Variants in STRAP observed in about 807,000 individuals in gnomAD.
The protein encoded by STRAP is serine-threonine kinase receptor-associated protein.
A neutral mutation model predicts 47.0 loss-of-function variants in STRAP; 16 were observed. The ratio of observed to expected loss-of-function variants is 0.34; its 90% CI spans 0.23 to 0.52. The LOEUF is 0.52. Among genes scored for constraint, STRAP ranks in the 20% least tolerant of loss-of-function variants. STRAP has a pLI of 0.96. For missense variants in STRAP, 293 were observed against 420.0 expected, an observed-to-expected ratio of 0.70 and a Z score of 2.64; for synonymous variants, 130 against 142.7, an observed-to-expected ratio of 0.91 and a Z score of 0.63.
chr12:15,888,282 G>A lies in STRAP; in HGVS notation c.249-1646G>A, dbSNP rs188858111. Among the ~76,000 whole-genome samples, 99 of 152,230 alleles carry A rather than the reference G, an allele frequency of 6.5e-4. No individual in the cohort carries two copies. In the South Asian group the frequency reaches 9.7e-3, roughly 15 times the overall value. ...AACATAGGAGCCTGGAAGAAAATAC[G>A]TAAGTTATTTGAGGAGTGGTTTATA... On this transcript the variant is annotated intron_variant, in intron 2 of 9. Transcript: ENST00000419869.
chr12:15,883,093 G>T, intron 1 of STRAP: 1 of 1,535,690 alleles, frequency 6.5e-7, no homozygotes, highest in Non-Finnish European at 8.7e-7. Flanking sequence ...GAGCTGGTCA[G>T]CATTTGCCTA....
chr12:15,890,805 A>G lies in STRAP; in HGVS notation c.403+136A>G, dbSNP rs1012261393. ...CCGGGCACGGTGGCTCATACCTGTA[A>G]TCCTAGCACTTTGGGAGACTGAGGC... is the stretch of plus-strand genomic sequence containing the variant. On this transcript the variant is annotated intron_variant, in intron 4 of 9. Coordinates refer to ENST00000419869, the MANE Select transcript of STRAP (RefSeq NM_007178.4). The surrounding 1 kb of genome is among the most constrained non-coding windows in gnomAD (Gnocchi z 4.5). 1 of 675,004 alleles carries G rather than the reference A, an allele frequency of 1.5e-6. No individual in the cohort carries two copies. The highest frequency in any genetic ancestry group is 1.9e-5 in the African/African-American group (1 of 53,040). 41.8% of individuals were successfully genotyped at this position (675,004 alleles called of 1,614,324 possible). A position where few individuals can be genotyped will look rare whatever the true frequency, so the allele number is the denominator to read the frequency against.
rs749828966 is a variant in STRAP, at chr12:15,890,679, A to T, written c.403+10A>T. 13 of 1,591,086 alleles carry T rather than the reference A, an allele frequency of 8.2e-6. No homozygotes were observed. Among genetic ancestry groups the T allele is most frequent in the Non-Finnish European group, 1.1e-5 (13 of 1,167,554 alleles). ...AACAAACCTGAAGCAGGTAAGCATA[A>T]TTTAAACATCAGCTTCTAGTTTTAT... On this transcript the variant is annotated intron_variant, in intron 4 of 9. Coordinates refer to ENST00000419869, the MANE Select transcript of STRAP (RefSeq NM_007178.4). This position sits in a 1 kb window ranked among gnomAD's most constrained non-coding sequence, Gnocchi z 4.5.
At chr12:15,897,404 A>C (rs1034633510) in intron 6 of STRAP, among the ~76,000 whole-genome samples, 8 of 152,208 alleles carry the variant, frequency 5.3e-5, no homozygotes, top group Non-Finnish European at 1.5e-5. Context: ...ATTTTATGAC[A>C]TAGAAAGTTT....
At chr12:15,883,697 T>G (rs1392761417) in intron 2 of STRAP, 21 bp downstream of exon 2, 2 of 1,612,594 alleles carry the variant, frequency 1.2e-6, no homozygotes, top group African/African-American at 2.7e-5. Flanking sequence ...CCAAGATGGC[T>G]AACTTTGGTG....
At chr12:15,882,944 A>G (rs1019497961) in intron 1 of STRAP, 125 bp downstream of exon 1, 3 of 1,335,060 alleles carry the variant, frequency 2.2e-6, no homozygotes, top group Non-Finnish European at 3.1e-6. Flanking sequence ...AACATCTGAG[A>G]TGAGAGCCAA....
intron 4 of STRAP, among the ~76,000 whole-genome samples, chr12:15,891,043 A>G (rs1591985670): frequency 6.6e-6 from 1 of 152,138 alleles, no homozygotes; most frequent in East Asian, 1.9e-4. Flanking sequence ...CTGGGCAATA[A>G]GAGTGAAACT....
chr12:15,899,834 T>A (rs79857037), intron 7 of STRAP, 70 bp from the exon 8 acceptor site: 1 of 256,660 alleles, frequency 3.9e-6, no homozygotes, highest in Non-Finnish European at 5.8e-6. Flanking sequence ...ACAGACAGTA[T>A]TTTTTTTTTT....
At chr12:15,883,230 C>T in intron 1 of STRAP, 2 of 1,233,156 alleles carry the variant, frequency 1.6e-6, no homozygotes, top group Non-Finnish European at 1.1e-6. Context: ...TGGTATTAGC[C>T]TCATTTTTCA....
rs185508053 is a variant in STRAP, at chr12:15,886,640, C to T, written c.248+2964C>T. 3.0e-3 allele frequency among the ~76,000 whole-genome samples: 454 copies of T among 152,060 alleles called. 1 individual carries two copies. Among genetic ancestry groups the T allele is most frequent in the Middle Eastern group, 0.017 (5 of 294 alleles). On this transcript the variant is annotated intron_variant, in intron 2 of 9. Coordinates refer to ENST00000419869, the MANE Select transcript of STRAP (RefSeq NM_007178.4). The stretch of plus-strand genomic sequence containing the variant: ...ATGTCTTGTCTGTGGGGTGTAGGAG[C>T]GTGTTTTCATGTGCGTGTTTGTGTG...
Position 15,894,933 on chromosome 12 carries a change from T to A in STRAP, c.501-426T>A, listed in dbSNP as rs559165355. Among the ~76,000 whole-genome samples the A allele has an allele frequency of 6.6e-6, 1 of 152,292 alleles. No individual in the cohort carries two copies. Among genetic ancestry groups the A allele is most frequent in the Non-Finnish European group, 1.5e-5 (1 of 68,026 alleles). ...AACCTGGGTCTGTGGGCAGAATGGT[T>A]AAAGGGAGGGACCATGAAGCCTCTG... On this transcript the variant is annotated intron_variant, in intron 5 of 9. Coordinates refer to ENST00000419869, the MANE Select transcript of STRAP (RefSeq NM_007178.4). This position sits in a 1 kb window ranked among gnomAD's most constrained non-coding sequence, Gnocchi z 4.9.
At chr12:15,882,943 G>T in intron 1 of STRAP, 124 bp downstream of exon 1, 2 of 1,339,496 alleles carry the variant, frequency 1.5e-6, no homozygotes, top group Non-Finnish European at 2.1e-6. Flanking sequence ...TAACATCTGA[G>T]ATGAGAGCCA....
At chr12:15,892,251 T>G (rs1208740444) in intron 4 of STRAP, among the ~76,000 whole-genome samples, 1 of 152,206 alleles carries the variant, frequency 6.6e-6, no homozygotes, top group African/African-American at 2.4e-5. Context: ...GGTTCTTTAT[T>G]GAATTCTAAT....
rs1055718487 is a variant in STRAP, at chr12:15,894,913, G to T, written c.501-446G>T. 3.9e-5 allele frequency among the ~76,000 whole-genome samples: 6 copies of T among 152,120 alleles called. No homozygotes were observed. The highest frequency in any genetic ancestry group is 1.4e-4 in the African/African-American group (6 of 41,414). On this transcript the variant is annotated intron_variant, in intron 5 of 9. Coordinates refer to ENST00000419869, the MANE Select transcript of STRAP (RefSeq NM_007178.4). This position sits in a 1 kb window ranked among gnomAD's most constrained non-coding sequence, Gnocchi z 4.9. ...CCTTATAAGCAGGTGTTTTTAACCT[G>T]GGTCTGTGGGCAGAATGGTTAAAGG...
At position 15,897,900 on chromosome 12, in the gene STRAP, C is replaced by T; in HGVS notation, c.657C>T (p.Ser219=). The T allele has an allele frequency of 1.3e-6, 2 of 1,551,034 alleles. No individual in the cohort carries two copies. The highest frequency in any genetic ancestry group is 2.4e-5 in the East Asian group (1 of 41,548). The part of the protein sequence containing the change: ...HSAVSLDPIK[S]FEAPATINSA... ...TTTTCAGTTTGGACCCAATTAAATC[C>T]TTTGAAGCTCCTGCAACCATCAATT... Residue 219 remains serine, a synonymous_variant, in exon 7 of 10, where the codon TCC becomes TCT. Coordinates refer to ENST00000419869, the MANE Select transcript of STRAP (RefSeq NM_007178.4).
intron 2 of STRAP, among the ~76,000 whole-genome samples, chr12:15,883,883 C>G (rs1947944976): frequency 6.6e-6 from 1 of 152,168 alleles, no homozygotes; most frequent in East Asian, 1.9e-4. Context: ...TTTCAGAGGC[C>G]TAAATGACTT....
chr12:15,901,423 A>G (rs1019746190), intron 9 of STRAP, among the ~76,000 whole-genome samples: 4 of 152,202 alleles, frequency 2.6e-5, no homozygotes, highest in African/African-American at 4.8e-5. Context: ...AAAAGTTCAT[A>G]GCAGGAAAAC....
chr12:15,889,923 T>G lies in STRAP; in HGVS notation c.249-5T>G. 1 of 1,612,756 alleles carries G rather than the reference T, an allele frequency of 6.2e-7. No homozygotes were observed. The highest frequency in any genetic ancestry group is 8.5e-7 in the Non-Finnish European group (1 of 1,179,156). ...TCCTACTAATTTTCTCTTTTTTACTTTTAGCAAAGTGTGGGATGCTGTCTC... is the reference window on the plus strand; with the variant it reads ...TCCTACTAATTTTCTCTTTTTTACTGTTAGCAAAGTGTGGGATGCTGTCTC... On this transcript the variant is annotated splice_polypyrimidine_tract_variant and splice_region_variant and intron_variant, in intron 2 of 9. Transcript: ENST00000419869.
chr12:15,893,951 A>C lies in STRAP; in HGVS notation c.404-96A>C. 8.0e-6 allele frequency: 8 copies of C among 1,005,668 alleles called. 1 individual carries two copies. The Middle Eastern group carries it at 1.2e-3, about 145-fold the overall frequency. The allele number at this position is 1,005,668 out of a possible 1,614,324, so 62.3% of individuals were successfully genotyped here. A position where few individuals can be genotyped will look rare whatever the true frequency, so the allele number is the denominator to read the frequency against. On this transcript the variant is annotated intron_variant, in intron 4 of 9. Coordinates refer to ENST00000419869, the MANE Select transcript of STRAP (RefSeq NM_007178.4). ...GCTTTGAAAAGTTGCAGTCTAATTTAAAATGTGTGTTTTTAAAAATATATA... is the reference window on the plus strand; with the variant it reads ...GCTTTGAAAAGTTGCAGTCTAATTTCAAATGTGTGTTTTTAAAAATATATA...
Sources: allele counts gnomAD v4.1 joint callset (sites outside exome capture counted in the v4.1 genomes callset), GRCh38; gene constraint gnomAD v4.1.1; non-coding constraint Gnocchi (gnomAD v3.1); transcripts MANE v1.5; gene names NCBI Gene and HGNC (gene_info 2026-07-23, HGNC 2026-07-21).